The following LPL variants were observed in gnomAD, a reference collection of about 807,000 sequenced individuals.
LPL encodes phospholipase A1.
In LPL, 43 loss-of-function variants were observed where a neutral mutation model predicts 52.2. That is an observed-to-expected ratio of 0.82 (90% CI 0.64 to 1.06). The LOEUF (loss-of-function observed/expected upper bound fraction) is 1.06. LPL is among the 50% of genes least tolerant of loss of function. LPL has a pLI of 0.00. For missense variants in LPL, 639 were observed against 585.3 expected (o/e 1.09, Z -0.95); for synonymous variants, 244 against 215.6 (o/e 1.13, Z -1.15).
chr8:19,948,068 A>C, intron 1 of LPL, 112 bp from the exon 2 acceptor site: 1 of 1,193,430 alleles, frequency 8.4e-7, no homozygotes, highest in Non-Finnish European at 1.2e-6. Context: ...AAAACACTTC[A>C]GAAACAAAAA....
intron 6 of LPL, among the ~76,000 whole-genome samples, chr8:19,957,246 C>T (rs1434063476): frequency 1.3e-5 from 2 of 152,072 alleles, no homozygotes; most frequent in Non-Finnish European, 2.9e-5. Flanking sequence ...AGGAGGTCTT[C>T]GGATAAATCC....
chr8:19,951,589 A>C, intron 2 of LPL, 180 bp from the exon 3 acceptor site: 1 of 742,284 alleles, frequency 1.3e-6, no homozygotes, highest in Non-Finnish European at 2.4e-6. Context: ...GCTTACTTAG[A>C]TCTGCCTTGG....
At chr8:19,958,957 C>T (rs573428482) in intron 6 of LPL, among the ~76,000 whole-genome samples, 2 of 152,340 alleles carry the variant, frequency 1.3e-5, no homozygotes, top group African/African-American at 4.8e-5. Flanking sequence ...CTGATTTGAT[C>T]TCCCTAGCAC....
intron 6 of LPL, among the ~76,000 whole-genome samples, chr8:19,956,522 C>T (rs2069987395): frequency 6.6e-6 from 1 of 152,164 alleles, no homozygotes; most frequent in African/African-American, 2.4e-5. Context: ...AAACTTGTGA[C>T]ATGGGAGTTT....
Position 19,960,769 on chromosome 8 carries a change from T to C in LPL, c.1140-132T>C, listed in dbSNP as rs959334036. ...TCGACCTTCATTTTGAGTTCTTTGT[T>C]GGACATTTTTGTGCATTTTTAAAAT... On this transcript the variant is annotated intron_variant, in intron 7 of 9. Transcript: ENST00000650287. The C allele has an allele frequency of 1.3e-4, 86 of 687,170 alleles. 2 individuals are homozygous for C. In the East Asian group the frequency reaches 2.2e-3, roughly 18 times the overall value. 42.6% of individuals were successfully genotyped at this position (687,170 alleles called of 1,614,324 possible). A position where few individuals can be genotyped will look rare whatever the true frequency, so the allele number is the denominator to read the frequency against.
chr8:19,939,355 C>T lies in LPL; in HGVS notation c.-86C>T. 7.4e-7 allele frequency: 1 copy of T among 1,345,580 alleles called. No individual in the cohort carries two copies. Among genetic ancestry groups the T allele is most frequent in the Non-Finnish European group, 1.0e-6 (1 of 967,040 alleles). 83.4% of individuals were successfully genotyped at this position (1,345,580 alleles called of 1,614,324 possible). ...GGGCGACTTGCTCAGCGCCAAACCGCGGCTCCAGCCCTCTCCAGCCTCCGG... is the reference window on the plus strand; with the variant it reads ...GGGCGACTTGCTCAGCGCCAAACCGTGGCTCCAGCCCTCTCCAGCCTCCGG... On this transcript the variant is annotated 5_prime_UTR_variant, in exon 1 of 10. Transcript: ENST00000650287. This position sits in a 1 kb window ranked among gnomAD's most constrained non-coding sequence, Gnocchi z 4.0.
chr8:19,953,215 C>T (rs1052506968), intron 3 of LPL, 95 bp from the exon 4 acceptor site: 22 of 761,744 alleles, frequency 2.9e-5, no homozygotes, highest in Non-Finnish European at 9.2e-6. Flanking sequence ...TCAGTATTTC[C>T]TATATTTGGA....
intron 4 of LPL, 56 bp downstream of exon 4, chr8:19,953,477 A>ATTCTCTCTCAGAAT: frequency 1.5e-6 from 2 of 1,320,560 alleles, no homozygotes; most frequent in Non-Finnish European, 1.1e-6. Flanking sequence ...TGTCATTCTG[A>ATTCTCTCTCAGAAT]GAGAGAATCA....
At chr8:19,952,936 A>G (rs768551231) in intron 3 of LPL, among the ~76,000 whole-genome samples, 1 of 152,260 alleles carries the variant, frequency 6.6e-6, no homozygotes, top group Non-Finnish European at 1.5e-5. Flanking sequence ...ACGCATATGT[A>G]TATGTGTATA....
In LPL at chr8:19,959,363, G is replaced by C; in HGVS notation, c.1122G>C (p.Glu374Asp). ...TGTATGGCACCGTGGCCGAGAGTGA[G>C]AACATCCCATTCACTCTGTGAGTAG... is the stretch of plus-strand genomic sequence containing the variant. Reference protein sequence around the residue: ...ISLYGTVAESENIPFTLPEVS... With the variant: ...ISLYGTVAESDNIPFTLPEVS... The change falls in exon 7 of 10, where the codon GAG becomes GAC. Residue 374 changes from glutamate (E) to aspartate (D), a missense_variant. Transcript: ENST00000650287. 1 of 1,614,072 alleles carries C rather than the reference G, an allele frequency of 6.2e-7. No homozygotes were observed. Among genetic ancestry groups the C allele is most frequent in the Non-Finnish European group, 8.5e-7 (1 of 1,180,002 alleles).
Position 19,965,647 on chromosome 8 carries a change from A to G in LPL, c.*337A>G, listed in dbSNP as rs754413402. ...GCTCCTTCATGTGGCGTATTGGGCCATAGCCTATAATTGGTTAGAACCTCC... is the reference window on the plus strand; with the variant it reads ...GCTCCTTCATGTGGCGTATTGGGCCGTAGCCTATAATTGGTTAGAACCTCC... On this transcript the variant is annotated 3_prime_UTR_variant, in exon 10 of 10. Transcript: ENST00000650287. The G allele has an allele frequency of 3.7e-6, 1 of 267,874 alleles. No individual in the cohort carries two copies. The highest frequency in any genetic ancestry group is 7.0e-6 in the Non-Finnish European group (1 of 141,872). 16.6% of individuals were successfully genotyped at this position (267,874 alleles called of 1,614,324 possible).
At position 19,948,165 on chromosome 8, in the gene LPL, A is replaced by T; in HGVS notation, c.89-15A>T. ...AACCCTCCAGTTAACCTCATATCCA[A>T]TTTTTCCTTTCCAGAAAGAAGAGAT... On this transcript the variant is annotated splice_polypyrimidine_tract_variant and intron_variant, in intron 1 of 9. Coordinates refer to ENST00000650287, the MANE Select transcript of LPL (RefSeq NM_000237.3). The T allele has an allele frequency of 1.2e-6, 2 of 1,613,732 alleles. No individual in the cohort carries two copies. Among genetic ancestry groups the T allele is most frequent in the Non-Finnish European group, 1.7e-6 (2 of 1,179,728 alleles).
At chr8:19,953,511 CAT>C (rs2069953393) in intron 4 of LPL, 90 bp downstream of exon 4, 1 of 880,356 alleles carries the variant, frequency 1.1e-6, no homozygotes. Context: ...TAAATACCCA[CAT>C]GTGTGGTGTT....
rs1242266610 is a variant in LPL, at chr8:19,966,429, C to G, written c.*1119C>G. 6.6e-6 allele frequency: 1 copy of G among 152,118 alleles called. No individual in the cohort carries two copies. Among genetic ancestry groups the G allele is most frequent in the African/African-American group, 2.4e-5 (1 of 41,416 alleles). 9.4% of individuals were successfully genotyped at this position (152,118 alleles called of 1,614,324 possible). ...TTGTAAACCATCGCGTGCAATGAGCCAGATGGAGTACCATGAGGGTTGCTA... is the reference window on the plus strand; with the variant it reads ...TTGTAAACCATCGCGTGCAATGAGCGAGATGGAGTACCATGAGGGTTGCTA... On this transcript the variant is annotated 3_prime_UTR_variant, in exon 10 of 10. Transcript: ENST00000650287.
chr8:19,949,548 T>C (rs1005702727), intron 2 of LPL, among the ~76,000 whole-genome samples: 5 of 152,298 alleles, frequency 3.3e-5, no homozygotes, highest in African/African-American at 1.2e-4. Context: ...AGTGGCGCGA[T>C]CTCGGCTCAC....
chr8:19,962,015 T>C, intron 8 of LPL, 100 bp from the exon 9 acceptor site: 1 of 817,404 alleles, frequency 1.2e-6, no homozygotes, highest in Non-Finnish European at 2.2e-6. Context: ...TTACCCAGCA[T>C]GATCATGTAT....
chr8:19,955,337 A>C (rs1239146004), intron 5 of LPL, among the ~76,000 whole-genome samples: 1 of 152,234 alleles, frequency 6.6e-6, no homozygotes, highest in Non-Finnish European at 1.5e-5. Context: ...ATTGGGCTGT[A>C]ACACCATTTT....
chr8:19,940,040 G>C (rs555616718), intron 1 of LPL, among the ~76,000 whole-genome samples: 5 of 152,320 alleles, frequency 3.3e-5, no homozygotes, highest in African/African-American at 9.6e-5. Context: ...GGCGCGGGGA[G>C]GCGTTCCGGG....
intron 8 of LPL, 130 bp downstream of exon 8, chr8:19,961,213 T>G: frequency 1.6e-6 from 1 of 635,174 alleles, no homozygotes; most frequent in Non-Finnish European, 2.5e-6. Context: ...CTGTATGATG[T>G]AGATTTTCTT....
Sources: gnomAD v4.1 joint callset for allele counts (sites outside exome capture counted in the v4.1 genomes callset) on GRCh38, gnomAD v4.1.1 for gene constraint, Gnocchi (gnomAD v3.1) non-coding constraint, MANE v1.5 for transcripts, NCBI Gene and HGNC (gene_info 2026-07-23, HGNC 2026-07-21) for gene names.